Variants in BET1 observed in about 807,000 individuals in gnomAD.
The protein encoded by BET1 is BET1 homolog.
A neutral mutation model predicts 13.9 loss-of-function variants in BET1; 9 were observed. That is an observed-to-expected ratio of 0.65 (90% CI 0.39 to 1.13). The LOEUF (loss-of-function observed/expected upper bound fraction) is 1.13, where lower values mean the gene tolerates loss of function less well. BET1 is among the 50% of genes most tolerant of loss of function. The pLI is 0.01. For synonymous variants in BET1, 39 were observed against 47.3 expected (o/e 0.82, Z 0.72); for missense variants, 127 against 133.6 (o/e 0.95, Z 0.24).
chr7:94,002,712 T>A lies in BET1; in HGVS notation c.19+1486A>T, dbSNP rs75490579. ...GGCCTACTGATGAAATCCAAACTCT[T>A]TGGCCTCGCATGCAAAGATCTCCAC... On this transcript the variant is annotated intron_variant, in intron 1 of 3. Transcript: ENST00000222547. Among the ~76,000 whole-genome samples the A allele has an allele frequency of 2.7e-3, 406 of 152,104 alleles. 2 individuals carry two copies. Among genetic ancestry groups the A allele is most frequent in the African/African-American group, 9.3e-3 (385 of 41,454 alleles).
At chr7:94,004,164 G>A in intron 1 of BET1, 34 bp downstream of exon 1, 2 of 1,613,886 alleles carry the variant, frequency 1.2e-6, no homozygotes, top group South Asian at 1.1e-5. Flanking sequence ...CCGGTTCTAG[G>A]GCCCCGAACT....
intron 4 of BET1, chr7:93,987,278 G>T (rs1181734389): frequency 6.6e-6 from 1 of 152,118 alleles, no homozygotes; most frequent in Non-Finnish European, 1.5e-5. Flanking sequence ...AAGAGGTGAG[G>T]TATAGTGGAA....
At chr7:93,975,884 T>G (rs565461203) in intron 5 of BET1, 1 of 1,079,918 alleles carries the variant, frequency 9.3e-7, no homozygotes, top group African/African-American at 1.6e-5. Flanking sequence ...GACTATCAAA[T>G]GTACTTGTTA....
At chr7:93,971,500 A>G (rs1391617509) in intron 6 of BET1, among the ~76,000 whole-genome samples, 1 of 151,808 alleles carries the variant, frequency 6.6e-6, no homozygotes, top group East Asian at 1.9e-4. Context: ...AAATCTCCCA[A>G]TTCAGGAAGA....
exon 7 of BET1, chr7:93,964,816 A>G (rs139055388): frequency 1.1e-4 from 17 of 152,242 alleles, no homozygotes; most frequent in African/African-American, 3.8e-4. Context: ...TAAAAAGTCA[A>G]AAAATAACAG....
chr7:93,967,069 G>A (rs555495333), intron 6 of BET1, among the ~76,000 whole-genome samples: 3 of 151,970 alleles, frequency 2.0e-5, no homozygotes, highest in East Asian at 1.9e-4. Context: ...TTCCACTATG[G>A]TAGCAATTCT....
intron 4 of BET1, among the ~76,000 whole-genome samples, chr7:93,983,992 A>G (rs533048519): frequency 1.3e-5 from 2 of 152,222 alleles, no homozygotes; most frequent in African/African-American, 2.4e-5. Flanking sequence ...GACTCTAACA[A>G]ATTGGTAGCT....
intron 1 of BET1, 94 bp from the exon 2 acceptor site, chr7:93,999,388 T>C: frequency 3.4e-6 from 5 of 1,460,426 alleles, no homozygotes; most frequent in Middle Eastern, 1.9e-4. Flanking sequence ...CTGGAGGGCC[T>C]TGCAAACCAC....
chr7:93,971,946 A>AG (rs1255046659), intron 6 of BET1, among the ~76,000 whole-genome samples: 9 of 151,634 alleles, frequency 5.9e-5, no homozygotes. Context: ...TAAAAAAAAA[A>AG]AAGCCATTGG....
chr7:93,994,533 G>C (rs759613173), intron 3 of BET1, 148 bp from the exon 4 acceptor site: 33 of 873,022 alleles, frequency 3.8e-5, no homozygotes, highest in Non-Finnish European at 5.3e-5. Flanking sequence ...GATAACCTTG[G>C]ATAATCAGCC....
At chr7:93,969,191 A>T (rs948398405) in intron 6 of BET1, among the ~76,000 whole-genome samples, 1 of 151,854 alleles carries the variant, frequency 6.6e-6, no homozygotes, top group Non-Finnish European at 1.5e-5. Context: ...GAAGAATGAG[A>T]GGCACATTTT....
chr7:93,988,521 C>A (rs951146240), downstream of BET1, among the ~76,000 whole-genome samples: 4 of 152,000 alleles, frequency 2.6e-5, no homozygotes, highest in Non-Finnish European at 5.9e-5. Flanking sequence ...ATTAAGAAAA[C>A]CCATCTTGAG....
intron 4 of BET1, among the ~76,000 whole-genome samples, chr7:93,980,485 C>A (rs1183917876): frequency 6.6e-6 from 1 of 152,034 alleles, no homozygotes; most frequent in Admixed American, 6.6e-5. Context: ...GTTCAACATA[C>A]AAAAATCAAT....
intron 4 of BET1, among the ~76,000 whole-genome samples, chr7:93,981,397 T>C (rs1034748621): frequency 7.2e-5 from 11 of 152,192 alleles, no homozygotes; most frequent in African/African-American, 2.7e-4. Flanking sequence ...TGAATTCTTA[T>C]AAATAGCAAA....
chr7:93,980,200 T>C (rs1584131074), intron 4 of BET1, among the ~76,000 whole-genome samples: 1 of 152,138 alleles, frequency 6.6e-6, no homozygotes, highest in African/African-American at 2.4e-5. Flanking sequence ...TCTACCAACA[T>C]TTAAAGAATT....
exon 7 of BET1, chr7:93,963,164 T>C (rs1472393698): frequency 6.6e-6 from 1 of 152,068 alleles, no homozygotes; most frequent in African/African-American, 2.4e-5. Context: ...TTTTTTTCTT[T>C]TAAGACTAAA....
intron 1 of BET1, among the ~76,000 whole-genome samples, chr7:94,003,033 G>A (rs1795944941): frequency 6.6e-6 from 1 of 152,092 alleles, no homozygotes; most frequent in Non-Finnish European, 1.5e-5. Flanking sequence ...CACCTAGACT[G>A]GAAGCTTTGG....
At chr7:93,978,789 A>G (rs538431600) in intron 4 of BET1, among the ~76,000 whole-genome samples, 5 of 152,178 alleles carry the variant, frequency 3.3e-5, no homozygotes, top group Admixed American at 1.3e-4. Context: ...ACAGAAAATG[A>G]ATCTGTTTGA....
intron 6 of BET1, among the ~76,000 whole-genome samples, chr7:93,966,176 T>C (rs910131245): frequency 6.6e-6 from 1 of 151,984 alleles, no homozygotes; most frequent in Non-Finnish European, 1.5e-5. Flanking sequence ...ATCTCTCCTA[T>C]GGAGAATTGA....
Sources: gnomAD v4.1 joint callset for allele counts (sites outside exome capture counted in the v4.1 genomes callset) on GRCh38, gnomAD v4.1.1 for gene constraint, MANE v1.5 for transcripts, NCBI Gene and HGNC (gene_info 2026-07-23, HGNC 2026-07-21) for gene names.